Variants in ATP2C2 observed in about 807,000 individuals in gnomAD.
The protein encoded by ATP2C2 is ATPase secretory pathway Ca2+ transporting 2, also known as calcium-transporting ATPase type 2C member 2.
Under a neutral mutation model 110.8 loss-of-function variants are expected in ATP2C2, and 171 were observed. That is an observed-to-expected ratio of 1.54 (90% confidence interval 1.36 to 1.75). The LOEUF (loss-of-function observed/expected upper bound fraction) is 1.75. Ranked by LOEUF, ATP2C2 falls within the 40% of genes most tolerant of loss-of-function variation. The pLI is 0.00. For missense variants in ATP2C2, 1,963 were observed against 1,235.0 expected (o/e 1.59, Z -8.84); for synonymous variants, 804 against 508.4 (o/e 1.58, Z -7.82).
At chr16:84,432,672 C>T (rs1908388215) in intron 11 of ATP2C2, among the ~76,000 whole-genome samples, 1 of 152,084 alleles carries the variant, frequency 6.6e-6, no homozygotes, top group Non-Finnish European at 1.5e-5. Flanking sequence ...AGGTGCCTGC[C>T]ACCACACCCA....
At chr16:84,444,705 C>A (rs967053286) in intron 15 of ATP2C2, among the ~76,000 whole-genome samples, 4 of 152,200 alleles carry the variant, frequency 2.6e-5, no homozygotes, top group African/African-American at 4.8e-5. Context: ...GTCCCTGCAG[C>A]CTAGAGAGGA....
At chr16:84,374,073 G>A (rs560645020) in intron 1 of ATP2C2, among the ~76,000 whole-genome samples, 4 of 152,206 alleles carry the variant, frequency 2.6e-5, no homozygotes, top group Non-Finnish European at 5.9e-5. Context: ...GTTGGGCGTT[G>A]TTGAAAGAAT....
At chr16:84,459,944 C>G (rs1911112053) in intron 23 of ATP2C2, 2 of 267,826 alleles carry the variant, frequency 7.5e-6, no homozygotes, top group Non-Finnish European at 1.5e-5. Flanking sequence ...AACAAGCTGG[C>G]CAAGTGGTGT....
chr16:84,403,498 A>G (rs1289935166), intron 2 of ATP2C2, among the ~76,000 whole-genome samples: 1 of 151,980 alleles, frequency 6.6e-6, no homozygotes, highest in African/African-American at 2.4e-5. Flanking sequence ...TGTAGAGCCA[A>G]GATCATGCTA....
intron 20 of ATP2C2, among the ~76,000 whole-genome samples, chr16:84,454,220 TAAAC>T (rs1324398511): frequency 5.9e-5 from 9 of 152,252 alleles, no homozygotes; most frequent in African/African-American, 9.6e-5. Context: ...GGTAGAGAAT[TAAAC>T]AAAGCCAGGC....
chr16:84,377,481 C>T (rs1218881991), intron 1 of ATP2C2, among the ~76,000 whole-genome samples: 5 of 152,060 alleles, frequency 3.3e-5, no homozygotes. Flanking sequence ...AAAGTGCCAG[C>T]AGGGTTGGTT....
At chr16:84,388,978 C>G (rs8047551) in intron 1 of ATP2C2, among the ~76,000 whole-genome samples, 88,552 of 151,864 alleles carry the variant, frequency 0.58, 26,327 homozygotes, top group Non-Finnish European at 0.65. Flanking sequence ...CACCATGTTA[C>G]CCAGGATGGT....
At chr16:84,423,583 C>T (rs1012665668) in intron 10 of ATP2C2, among the ~76,000 whole-genome samples, 3 of 152,214 alleles carry the variant, frequency 2.0e-5, no homozygotes, top group Non-Finnish European at 4.4e-5. Context: ...GTGACTTGGG[C>T]CCAGGCCCCT....
chr16:84,450,208 G>A (rs1910132944), intron 17 of ATP2C2, among the ~76,000 whole-genome samples: 2 of 152,200 alleles, frequency 1.3e-5, no homozygotes, highest in African/African-American at 4.8e-5. Context: ...ACCTGTGGCT[G>A]GGAAAACTAC....
intron 6 of ATP2C2, among the ~76,000 whole-genome samples, chr16:84,415,150 GA>G (rs1258121994): frequency 6.6e-6 from 1 of 152,104 alleles, no homozygotes; most frequent in African/African-American, 2.4e-5. Flanking sequence ...GTGCTCTGAG[GA>G]CAAAACTCTG....
chr16:84,452,337 CAG>C (rs1910363327), intron 18 of ATP2C2, among the ~76,000 whole-genome samples: 1 of 152,134 alleles, frequency 6.6e-6, no homozygotes, highest in African/African-American at 2.4e-5. Flanking sequence ...TACTGTGTGT[CAG>C]GGGCTTTTCA....
At chr16:84,450,579 G>A (rs1400341847) in intron 17 of ATP2C2, among the ~76,000 whole-genome samples, 2 of 152,134 alleles carry the variant, frequency 1.3e-5, no homozygotes, top group Non-Finnish European at 2.9e-5. Context: ...GGAGGGGAGG[G>A]GACCATTGGA....
intron 6 of ATP2C2, among the ~76,000 whole-genome samples, chr16:84,413,926 C>G (rs1443160290): frequency 6.6e-6 from 1 of 152,174 alleles, no homozygotes; most frequent in East Asian, 1.9e-4. Flanking sequence ...GGGGACCTCA[C>G]ATTCCTACCA....
intron 1 of ATP2C2, among the ~76,000 whole-genome samples, chr16:84,382,384 A>G (rs1447879100): frequency 6.6e-6 from 1 of 152,040 alleles, no homozygotes; most frequent in African/African-American, 2.4e-5. Context: ...CCAGTCTATC[A>G]CTGATGGGCT....
chr16:84,445,516 C>T (rs986843813), intron 15 of ATP2C2, among the ~76,000 whole-genome samples: 1 of 152,114 alleles, frequency 6.6e-6, no homozygotes, highest in Non-Finnish European at 1.5e-5. Context: ...CCTTCCTCCT[C>T]TTATATCCAG....
Position 84,451,055 on chromosome 16 carries a change from C to G in ATP2C2, c.1661-866C>G, listed in dbSNP as rs1461009334. Among the ~76,000 whole-genome samples, 5 of 152,108 alleles carry G rather than the reference C, an allele frequency of 3.3e-5. No homozygotes were observed. In the South Asian group the frequency reaches 6.2e-4, roughly 19 times the overall value. On this transcript the variant is annotated intron_variant, in intron 17 of 26. Transcript: ENST00000262429. ...GCTACTGATAAAGACAGACCTGAGACTAGGTAATTTACAAAGAAAAAGAGG... is the reference window on the plus strand; with the variant it reads ...GCTACTGATAAAGACAGACCTGAGAGTAGGTAATTTACAAAGAAAAAGAGG...
intron 6 of ATP2C2, among the ~76,000 whole-genome samples, 171 bp from the exon 7 acceptor site, chr16:84,415,308 TTCTC>T (rs1274442192): frequency 6.6e-6 from 1 of 152,160 alleles, no homozygotes; most frequent in East Asian, 1.9e-4. Context: ...ACCACATACT[TTCTC>T]TAAAGTCTTA....
At chr16:84,408,360 C>A (rs1905962123) in intron 3 of ATP2C2, 45 bp from the exon 4 acceptor site, 2 of 1,569,068 alleles carry the variant, frequency 1.3e-6, no homozygotes, top group African/African-American at 1.4e-5. Context: ...CCATTCTGGT[C>A]CCTGAGACTA....
chr16:84,389,058 A>G (rs974891494), intron 1 of ATP2C2, among the ~76,000 whole-genome samples: 11 of 152,052 alleles, frequency 7.2e-5, no homozygotes, highest in Admixed American at 2.0e-4. Flanking sequence ...CGCCCGGCCT[A>G]TATTGTGAAA....
Sources: allele counts gnomAD v4.1 joint callset (sites outside exome capture counted in the v4.1 genomes callset), GRCh38; gene constraint gnomAD v4.1.1; transcripts MANE v1.5; gene names NCBI Gene and HGNC (gene_info 2026-07-23, HGNC 2026-07-21).